The following NRXN1 variants were observed in gnomAD, a reference collection of about 807,000 sequenced individuals.
NRXN1 encodes neurexin-1.
A neutral mutation model predicts 150.9 loss-of-function variants in NRXN1; 39 were observed. The observed-to-expected ratio is 0.26, with a 90% CI of 0.20 to 0.34. NRXN1 has a LOEUF of 0.34. NRXN1 is among the 10% of genes least tolerant of loss of function. The pLI, the probability that NRXN1 is intolerant of heterozygous loss-of-function variation, is 1.00. For missense variants in NRXN1, 1,815 were observed against 1,949.9 expected, an observed-to-expected ratio of 0.93 and a Z score of 1.30; for synonymous variants, 924 against 757.0, an observed-to-expected ratio of 1.22 and a Z score of -3.62.
chr2:50,741,945 T>A (rs1208520616), intron 5 of NRXN1, among the ~76,000 whole-genome samples: 1 of 152,170 alleles, frequency 6.6e-6, no homozygotes, highest in Non-Finnish European at 1.5e-5. Context: ...TATTTTCTTA[T>A]TACCATCAAA....
chr2:49,948,053 C>G (rs536512712), intron 21 of NRXN1, among the ~76,000 whole-genome samples: 2 of 151,968 alleles, frequency 1.3e-5, no homozygotes, highest in Non-Finnish European at 2.9e-5. Flanking sequence ...AATACAGTAG[C>G]TACATTGGTA....
At chr2:50,357,071 G>C (rs899242078) in intron 17 of NRXN1, among the ~76,000 whole-genome samples, 3 of 152,032 alleles carry the variant, frequency 2.0e-5, no homozygotes, top group African/African-American at 7.2e-5. Flanking sequence ...GAGACTACCA[G>C]TTTGAGACCA....
chr2:50,380,555 T>C (rs1410260571), intron 17 of NRXN1, among the ~76,000 whole-genome samples: 1 of 152,110 alleles, frequency 6.6e-6, no homozygotes, highest in Non-Finnish European at 1.5e-5. Context: ...CCACTTACTA[T>C]CTGACTGAGC....
At chr2:50,713,846 T>A (rs922651438) in intron 5 of NRXN1, among the ~76,000 whole-genome samples, 1 of 152,232 alleles carries the variant, frequency 6.6e-6, no homozygotes, top group Non-Finnish European at 1.5e-5. Flanking sequence ...CATAGGATCC[T>A]GGTCTTCTTT....
chr2:50,943,788 T>G (rs914712403), intron 2 of NRXN1, among the ~76,000 whole-genome samples: 1 of 90,640 alleles, frequency 1.1e-5, no homozygotes, highest in Non-Finnish European at 3.3e-5. Context: ...GTGAAATAAC[T>G]TTTTTCTGAA....
Position 49,919,465 on chromosome 2 carries a change from A to C in NRXN1, c.*2479T>G, listed in dbSNP as rs1667837777. The C allele has an allele frequency of 1.3e-5, 2 of 152,194 alleles. No individual in the cohort carries two copies. The highest frequency in any genetic ancestry group is 4.1e-4 in the South Asian group (2 of 4,822). The allele number at this position is 152,194 out of a possible 1,614,324, so 9.4% of individuals were successfully genotyped here. The stretch of plus-strand genomic sequence containing the variant: ...CACATTTCATAGATATACTGCTTAA[A>C]ATTACCATTATTCAATTTATTTTCT... On this transcript the variant is annotated 3_prime_UTR_variant, in exon 23 of 23. Transcript: ENST00000401669.
At chr2:49,928,780 T>A (rs1669593827) in intron 22 of NRXN1, among the ~76,000 whole-genome samples, 1 of 152,156 alleles carries the variant, frequency 6.6e-6, no homozygotes. Context: ...ATGACATGCA[T>A]TAATTTCGAC....
intron 5 of NRXN1, among the ~76,000 whole-genome samples, chr2:50,723,550 A>G (rs1184095524): frequency 6.6e-6 from 1 of 152,228 alleles, no homozygotes; most frequent in African/African-American, 2.4e-5. Context: ...ATCTGTGAAG[A>G]AGGCTTTCAA....
chr2:50,249,781 A>G (rs754030151), intron 17 of NRXN1, among the ~76,000 whole-genome samples: 2 of 151,728 alleles, frequency 1.3e-5, no homozygotes, highest in Non-Finnish European at 2.9e-5. Flanking sequence ...GGGATCATAG[A>G]TACGCGCCAC....
chr2:50,578,092 CACA>C (rs1465941790), intron 8 of NRXN1, among the ~76,000 whole-genome samples: 1 of 152,046 alleles, frequency 6.6e-6, no homozygotes, highest in Non-Finnish European at 1.5e-5. Flanking sequence ...CTGCTCATTC[CACA>C]ACAAGTTGTT....
intron 18 of NRXN1, among the ~76,000 whole-genome samples, chr2:50,149,787 G>C (rs907939670): frequency 6.6e-6 from 1 of 151,198 alleles, no homozygotes; most frequent in East Asian, 1.9e-4. Context: ...TTCATCTTTG[G>C]TGACTAGTTT....
intron 5 of NRXN1, among the ~76,000 whole-genome samples, chr2:50,872,151 C>G (rs1228992928): frequency 6.6e-6 from 1 of 151,760 alleles, no homozygotes; most frequent in East Asian, 2.0e-4. Flanking sequence ...GTTAGTTACT[C>G]TTTTATATAT....
chr2:50,121,723 A>G (rs1248327016), intron 18 of NRXN1, among the ~76,000 whole-genome samples: 1 of 152,156 alleles, frequency 6.6e-6, no homozygotes, highest in Non-Finnish European at 1.5e-5. Flanking sequence ...ATTAGTATGG[A>G]AGAAAACATC....
chr2:50,421,354 C>A (rs755698166), intron 17 of NRXN1, among the ~76,000 whole-genome samples: 50 of 151,974 alleles, frequency 3.3e-4, no homozygotes, highest in Non-Finnish European at 6.6e-4. Flanking sequence ...AATGGAGCGA[C>A]ATTAAAATAT....
intron 8 of NRXN1, among the ~76,000 whole-genome samples, chr2:50,560,424 GTTTATTTATTTA>G (rs376853823): frequency 3.4e-5 from 3 of 89,480 alleles, no homozygotes; most frequent in African/African-American, 6.2e-5. Context: ...TCTGATGTAT[GTTTATTTATTTA>G]TTTATTTATT....
intron 21 of NRXN1, among the ~76,000 whole-genome samples, chr2:50,011,444 CT>C (rs1685647729): frequency 6.6e-6 from 1 of 152,104 alleles, no homozygotes; most frequent in South Asian, 2.1e-4. Flanking sequence ...TTATGATTGA[CT>C]TTTGGTGAGA....
At chr2:50,910,716 T>C (rs947443425) in intron 5 of NRXN1, among the ~76,000 whole-genome samples, 1 of 151,978 alleles carries the variant, frequency 6.6e-6, no homozygotes, top group Non-Finnish European at 1.5e-5. Context: ...TATAATGGTG[T>C]TCCTAAAAAA....
At chr2:50,906,621 GTTCCTTAAGTCT>G (rs1264551497) in intron 5 of NRXN1, among the ~76,000 whole-genome samples, 3 of 152,030 alleles carry the variant, frequency 2.0e-5, no homozygotes, top group African/African-American at 7.2e-5. Flanking sequence ...ATCTGATCCT[GTTCCTTAAGTCT>G]TTCCATCATC....
chr2:50,824,775 C>A, intron 5 of NRXN1, among the ~76,000 whole-genome samples: 1 of 152,156 alleles, frequency 6.6e-6, no homozygotes, highest in African/African-American at 2.4e-5. Flanking sequence ...AGCATGGATA[C>A]AAACTGGACT....
Sources: gnomAD v4.1 joint callset for allele counts (sites outside exome capture counted in the v4.1 genomes callset) on GRCh38, gnomAD v4.1.1 for gene constraint, MANE v1.5 for transcripts, NCBI Gene and HGNC (gene_info 2026-07-23, HGNC 2026-07-21) for gene names.